The following TNRC6C variants were observed in gnomAD, a reference collection of about 807,000 sequenced individuals.
TNRC6C encodes the protein trinucleotide repeat containing adaptor 6C.
Under a neutral mutation model 153.7 loss-of-function variants are expected in TNRC6C, and 20 were observed. That is an observed-to-expected ratio of 0.13 (90% CI 0.09 to 0.19). TNRC6C has a LOEUF of 0.19. TNRC6C is among the 10% of genes least tolerant of loss of function. The pLI, the probability that TNRC6C is intolerant of heterozygous loss-of-function variation, is 1.00. For synonymous variants in TNRC6C, 811 were observed against 841.4 expected (o/e 0.96, Z 0.63); for missense variants, 1,987 against 2,172.0 (o/e 0.91, Z 1.69).
At chr17:78,057,500 CTG>C (rs2144102311) in intron 3 of TNRC6C, among the ~76,000 whole-genome samples, 1 of 152,358 alleles carries the variant, frequency 6.6e-6, no homozygotes, top group African/African-American at 2.4e-5. Context: ...TCTCTGGGGA[CTG>C]TGCCATCTGG....
chr17:78,000,093 C>A (rs142869212), upstream of TNRC6C, among the ~76,000 whole-genome samples: 6 of 152,274 alleles, frequency 3.9e-5, no homozygotes, highest in East Asian at 1.9e-4. Flanking sequence ...CCTTTTCCAC[C>A]CCAAGTCCAG....
At chr17:78,029,088 T>C (rs77591363) in intron 1 of TNRC6C, among the ~76,000 whole-genome samples, 1 of 152,246 alleles carries the variant, frequency 6.6e-6, no homozygotes, top group Admixed American at 6.5e-5. Flanking sequence ...CTTACTCTAA[T>C]ATGATTTTAG....
chr17:78,009,526 A>G (rs1382247876), intron 1 of TNRC6C, among the ~76,000 whole-genome samples: 5 of 152,130 alleles, frequency 3.3e-5, no homozygotes, highest in South Asian at 2.1e-4. Context: ...ATGACCCATT[A>G]TGGTTCATGG....
intron 10 of TNRC6C, among the ~76,000 whole-genome samples, chr17:78,081,555 C>T (rs1205376284): frequency 6.6e-6 from 1 of 152,170 alleles, no homozygotes; most frequent in East Asian, 1.9e-4. Flanking sequence ...GTAGCTTAAA[C>T]TAGGTAGACA....
intron 3 of TNRC6C, among the ~76,000 whole-genome samples, chr17:78,051,700 T>TGGTGGTGGC (rs2144014622): frequency 6.6e-6 from 1 of 152,214 alleles, no homozygotes; most frequent in African/African-American, 2.4e-5. Context: ...GCGAATGTTT[T>TGGTGGTGGC]GGTGGTGGCG....
exon 20 of TNRC6C, chr17:78,108,458 C>T (rs1359319657): frequency 6.5e-6 from 1 of 154,808 alleles, no homozygotes; most frequent in Non-Finnish European, 1.5e-5. Context: ...AGCAAGAGTT[C>T]GTTTTGTGCC....
chr17:78,081,931 G>A (rs975717281), intron 10 of TNRC6C, among the ~76,000 whole-genome samples: 2 of 152,092 alleles, frequency 1.3e-5, no homozygotes, highest in South Asian at 4.2e-4. Context: ...TTTGGAGGAT[G>A]AGATCTCTGA....
intron 1 of TNRC6C, among the ~76,000 whole-genome samples, chr17:78,005,748 TACTTC>T (rs1243567004): frequency 6.6e-6 from 1 of 152,214 alleles, no homozygotes; most frequent in Non-Finnish European, 1.5e-5. Context: ...TGGGACAAGT[TACTTC>T]ACTTCTTTAG....
chr17:77,983,214 G>A (rs892476710), intron 1 of TNRC6C, among the ~76,000 whole-genome samples: 4 of 152,126 alleles, frequency 2.6e-5, no homozygotes, highest in Non-Finnish European at 5.9e-5. Context: ...TCTAGCAACT[G>A]AGTTCTGCTG....
upstream of TNRC6C, among the ~76,000 whole-genome samples, chr17:77,959,087 CGCCGCCGCA>C (rs1395497059): frequency 2.1e-5 from 3 of 144,680 alleles, no homozygotes; most frequent in Non-Finnish European, 3.1e-5. Flanking sequence ...TCGCCCGCGC[CGCCGCCGCA>C]GCCGCCGCCG....
At chr17:78,038,673 C>T (rs113718210) in intron 2 of TNRC6C, among the ~76,000 whole-genome samples, 9,798 of 134,778 alleles carry the variant, frequency 0.073, 405 homozygotes, top group African/African-American at 0.11. Context: ...AGCGAGACTC[C>T]GTGTCAAAAA....
intron 3 of TNRC6C, among the ~76,000 whole-genome samples, chr17:78,054,995 C>T (rs920074468): frequency 2.7e-4 from 41 of 152,114 alleles, no homozygotes; most frequent in African/African-American, 8.4e-4. Context: ...TACACCACTG[C>T]GGACTACTGT....
chr17:77,968,298 C>G (rs1291592687), intron 1 of TNRC6C, among the ~76,000 whole-genome samples: 1 of 151,846 alleles, frequency 6.6e-6, no homozygotes, highest in Non-Finnish European at 1.5e-5. Flanking sequence ...TCCCAAAGCA[C>G]TGGGATTACA....
intron 1 of TNRC6C, among the ~76,000 whole-genome samples, chr17:77,967,432 T>C (rs1690187234): frequency 6.6e-6 from 1 of 152,172 alleles, no homozygotes; most frequent in Admixed American, 6.5e-5. Context: ...TAATTGAACA[T>C]GTTTCTTCGG....
exon 14 of TNRC6C, chr17:78,091,501 G>A: frequency 6.2e-7 from 1 of 1,609,978 alleles, no homozygotes. Flanking sequence ...TGTCGGTGAA[G>A]GACCCATCCC....
At chr17:78,038,021 G>A (rs1234025966) in intron 2 of TNRC6C, among the ~76,000 whole-genome samples, 1 of 152,152 alleles carries the variant, frequency 6.6e-6, no homozygotes, top group African/African-American at 2.4e-5. Context: ...GCAGATCACT[G>A]AGAAAATAGT....
chr17:78,103,437 A>G (rs1038408706), exon 19 of TNRC6C: 3 of 1,613,880 alleles, frequency 1.9e-6, no homozygotes, highest in East Asian at 2.2e-5. Flanking sequence ...CACTGCGGAC[A>G]TTGTGTTTGC....
chr17:78,099,332 T>C (rs554900467), intron 17 of TNRC6C, among the ~76,000 whole-genome samples: 1 of 152,232 alleles, frequency 6.6e-6, no homozygotes, highest in Non-Finnish European at 1.5e-5. Flanking sequence ...CTACAGATAG[T>C]GTATTAGTCC....
At chr17:78,057,588 G>A (rs895242203) in intron 3 of TNRC6C, among the ~76,000 whole-genome samples, 4 of 152,216 alleles carry the variant, frequency 2.6e-5, no homozygotes, top group Non-Finnish European at 4.4e-5. Context: ...GAATGCCTGC[G>A]CAGCTTTCCA....
Sources: allele counts gnomAD v4.1 joint callset (sites outside exome capture counted in the v4.1 genomes callset), GRCh38; gene constraint gnomAD v4.1.1; transcripts MANE v1.5; gene names NCBI Gene and HGNC (gene_info 2026-07-23, HGNC 2026-07-21).